The following IKZF3 variants were observed in gnomAD, a reference collection of about 807,000 sequenced individuals.
IKZF3 encodes IKAROS family zinc finger 3.
In IKZF3, 10 loss-of-function variants were observed where a neutral mutation model predicts 49.0. The observed-to-expected ratio is 0.20, with a 90% confidence interval of 0.13 to 0.35. IKZF3 has a LOEUF of 0.35. Among genes scored for constraint, IKZF3 ranks in the 10% least tolerant of loss-of-function variants. The probability of loss-of-function intolerance (pLI) is 1.00; values close to 1 mark genes in which losing one functional copy is unlikely to be tolerated. For missense variants in IKZF3, 498 were observed against 664.8 expected (o/e 0.75, Z 2.76); for synonymous variants, 209 against 228.2 (o/e 0.92, Z 0.76).
chr17:39,849,582 G>A (rs2144489869), intron 1 of IKZF3, among the ~76,000 whole-genome samples: 1 of 152,178 alleles, frequency 6.6e-6, no homozygotes, highest in African/African-American at 2.4e-5. Flanking sequence ...TCGCTGGGAG[G>A]TGGAGGTTGC....
At chr17:39,803,804 C>T (rs370219179) in intron 3 of IKZF3, among the ~76,000 whole-genome samples, 6 of 152,104 alleles carry the variant, frequency 3.9e-5, no homozygotes, top group African/African-American at 4.8e-5. Flanking sequence ...TGAGCCACCG[C>T]GCCCAGCCAC....
rs1406671495 is a variant in IKZF3, at chr17:39,759,791, T to C, written c.*5999A>G. On this transcript the variant is annotated 3_prime_UTR_variant, in exon 8 of 8. Coordinates refer to ENST00000346872, the MANE Select transcript of IKZF3 (RefSeq NM_012481.5). The stretch of plus-strand genomic sequence containing the variant: ...CAAATCATTCTCCTTGTCTGAACTC[T>C]GGATATAGAGGTTTTTTGAACTATA... The C allele has an allele frequency of 1.3e-5, 2 of 152,264 alleles. No homozygotes were observed. The highest frequency in any genetic ancestry group is 2.9e-5 in the Non-Finnish European group (2 of 68,048). 9.4% of individuals were successfully genotyped at this position (152,264 alleles called of 1,614,324 possible). A position where few individuals can be genotyped will look rare whatever the true frequency, so the allele number is the denominator to read the frequency against.
intron 6 of IKZF3, among the ~76,000 whole-genome samples, chr17:39,782,093 G>A (rs371267272): frequency 1.2e-4 from 18 of 152,320 alleles, no homozygotes; most frequent in Admixed American, 9.2e-4. Flanking sequence ...TACTGATTCA[G>A]TTGATCTTCA....
chr17:39,827,499 G>A (rs112797570), intron 3 of IKZF3, among the ~76,000 whole-genome samples: 3,634 of 151,698 alleles, frequency 0.024, 61 homozygotes, highest in Non-Finnish European at 0.037. Context: ...ATAGAGATGA[G>A]GCCTCACCAT....
intron 1 of IKZF3, chr17:39,835,355 C>T (rs1224914957): frequency 1.4e-5 from 7 of 497,940 alleles, no homozygotes; most frequent in Admixed American, 1.1e-4. Flanking sequence ...CCAGCTTGGA[C>T]CCCCTGGCAT....
At chr17:39,775,673 C>T (rs1487653455) in intron 7 of IKZF3, among the ~76,000 whole-genome samples, 1 of 152,104 alleles carries the variant, frequency 6.6e-6, no homozygotes, top group Non-Finnish European at 1.5e-5. Context: ...GCCTGTAATC[C>T]CAGCACTTTG....
chr17:39,836,673 T>C (rs1412966564), intron 1 of IKZF3, among the ~76,000 whole-genome samples: 1 of 152,204 alleles, frequency 6.6e-6, no homozygotes, highest in Non-Finnish European at 1.5e-5. Flanking sequence ...CTAGGGACTA[T>C]AAAATATATC....
intron 1 of IKZF3, among the ~76,000 whole-genome samples, chr17:39,856,045 AT>A (rs1194938345): frequency 1.5e-5 from 2 of 134,208 alleles, no homozygotes; most frequent in East Asian, 3.9e-4. Flanking sequence ...TAACATGTAT[AT>A]TGTATATGTA....
rs1480103376 is a variant in IKZF3, at chr17:39,759,280, G to A, written c.*6510C>T. ...AAAGTACAAAAATTAGCTGGGTGTGGTGACCCACGCCTGTAGTCTCAGCTA... is the reference window on the plus strand; with the variant it reads ...AAAGTACAAAAATTAGCTGGGTGTGATGACCCACGCCTGTAGTCTCAGCTA... On this transcript the variant is annotated 3_prime_UTR_variant, in exon 8 of 8. Transcript: ENST00000346872. The A allele has an allele frequency of 6.6e-6, 1 of 152,110 alleles. No homozygotes were observed. Among genetic ancestry groups the A allele is most frequent in the Non-Finnish European group, 1.5e-5 (1 of 68,052 alleles). 9.4% of individuals were successfully genotyped at this position (152,110 alleles called of 1,614,324 possible). A position where few individuals can be genotyped will look rare whatever the true frequency, so the allele number is the denominator to read the frequency against.
chr17:39,777,740 G>C lies in IKZF3; in HGVS notation c.737C>G (p.Ala246Gly). 1 of 1,613,692 alleles carries C rather than the reference G, an allele frequency of 6.2e-7. No homozygotes were observed. The highest frequency in any genetic ancestry group is 8.5e-7 in the Non-Finnish European group (1 of 1,179,838). Reference protein sequence around the residue: ...TASAEARHIKAEMGSERALVL... With the variant: ...TASAEARHIKGEMGSERALVL... ...GAGAGCTCTTTCACTTCCCATCTCTGCTTTGATGTGTCTTGCCTCCGCACT... is the reference window on the plus strand; with the variant it reads ...GAGAGCTCTTTCACTTCCCATCTCTCCTTTGATGTGTCTTGCCTCCGCACT... Residue 246 changes from alanine to glycine, a missense_variant, in exon 7 of 8, where the codon GCA (alanine) becomes GGA (glycine). This residue lies in a region of IKZF3 where 317 missense variants were observed against 397.3 expected (regional missense o/e 0.80). Coordinates refer to ENST00000346872, the MANE Select transcript of IKZF3 (RefSeq NM_012481.5).
intron 1 of IKZF3, among the ~76,000 whole-genome samples, chr17:39,836,758 C>T (rs533974155): frequency 6.6e-6 from 1 of 152,236 alleles, no homozygotes; most frequent in East Asian, 1.9e-4. Flanking sequence ...ACCATTTAGG[C>T]CCATTTCCTA....
At chr17:39,834,932 G>A in intron 1 of IKZF3, 1 of 354,502 alleles carries the variant, frequency 2.8e-6, no homozygotes, top group Non-Finnish European at 5.3e-6. Flanking sequence ...GCCATGGGAG[G>A]GGGTAGGCTG....
At chr17:39,767,644 A>G (rs750034460) in intron 7 of IKZF3, among the ~76,000 whole-genome samples, 4 of 152,238 alleles carry the variant, frequency 2.6e-5, no homozygotes, top group Non-Finnish European at 5.9e-5. Flanking sequence ...AAAATAAAGA[A>G]GAAGAAGAAA....
At chr17:39,772,494 T>C (rs1011078254) in intron 7 of IKZF3, among the ~76,000 whole-genome samples, 2 of 151,960 alleles carry the variant, frequency 1.3e-5, no homozygotes, top group Non-Finnish European at 2.9e-5. Context: ...GGCAGGAAAA[T>C]AGAATATCCA....
intron 1 of IKZF3, among the ~76,000 whole-genome samples, chr17:39,850,944 TATTA>T (rs202041850): frequency 0.057 from 7,746 of 135,258 alleles, 363 homozygotes; most frequent in African/African-American, 0.14. Context: ...TACGTGTATA[TATTA>T]TATACACGTA....
chr17:39,843,258 G>A (rs73985222), intron 1 of IKZF3, among the ~76,000 whole-genome samples: 5,617 of 152,116 alleles, frequency 0.037, 338 homozygotes, highest in African/African-American at 0.13. Flanking sequence ...GTGAAGGCAG[G>A]GCACATACTC....
chr17:39,848,104 C>T (rs2062687007), intron 1 of IKZF3, among the ~76,000 whole-genome samples: 1 of 152,120 alleles, frequency 6.6e-6, no homozygotes, highest in Non-Finnish European at 1.5e-5. Flanking sequence ...TTTCCTTGGG[C>T]TAAGGTAAAT....
chr17:39,761,338 G>A lies in IKZF3; in HGVS notation c.*4452C>T, dbSNP rs959737073. 1 of 152,000 alleles carries A rather than the reference G, an allele frequency of 6.6e-6. No homozygotes were observed. The highest frequency in any genetic ancestry group is 1.5e-5 in the Non-Finnish European group (1 of 67,994). 9.4% of individuals were successfully genotyped at this position (152,000 alleles called of 1,614,324 possible). A position where few individuals can be genotyped will look rare whatever the true frequency, so the allele number is the denominator to read the frequency against. On this transcript the variant is annotated 3_prime_UTR_variant, in exon 8 of 8. Coordinates refer to ENST00000346872, the MANE Select transcript of IKZF3 (RefSeq NM_012481.5). ...TCTCTCTTTTTTTTTTCTGGTGGTA[G>A]TGGTGGGGGCTCACGGGAGAGACAC...
At chr17:39,769,085 C>T (rs1188674617) in intron 7 of IKZF3, among the ~76,000 whole-genome samples, 1 of 152,060 alleles carries the variant, frequency 6.6e-6, no homozygotes, top group African/African-American at 2.4e-5. Context: ...CTGTGTGGAC[C>T]CAGGTTTTTA....
Sources: allele counts gnomAD v4.1 joint callset (sites outside exome capture counted in the v4.1 genomes callset), GRCh38; gene constraint gnomAD v4.1.1; regional missense constraint gnomAD v4.1.1; transcripts MANE v1.5; gene names NCBI Gene and HGNC (gene_info 2026-07-23, HGNC 2026-07-21).